The following TRIM56 variants were observed in gnomAD, a reference collection of about 807,000 sequenced individuals.
The protein encoded by TRIM56 is E3 ubiquitin-protein ligase TRIM56.
In TRIM56, 10 loss-of-function variants were observed where a neutral mutation model predicts 17.1. The ratio of observed to expected loss-of-function variants is 0.58; its 90% CI spans 0.36 to 0.99. TRIM56 has a LOEUF of 0.99. Ranked by LOEUF, TRIM56 falls within the 50% of genes least tolerant of loss-of-function variation. The probability of loss-of-function intolerance (pLI) is 0.01; values close to 1 mark genes in which losing one functional copy is unlikely to be tolerated. For missense variants in TRIM56, 923 were observed against 1,052.3 expected (o/e 0.88, Z 1.70); for synonymous variants, 503 against 473.5 (o/e 1.06, Z -0.81).
chr7:101,088,281 C>G lies in TRIM56; in HGVS notation c.969C>G (p.Ser323=). Residue 323 remains serine (S), a synonymous_variant, in exon 3 of 3, where the codon TCC becomes TCG. Transcript: ENST00000306085. ...LSLGREAEIL[S]LEGAIAQRLR... ...TGGGGCGAGAGGCCGAGATCCTCTC[C>G]CTGGAAGGGGCGATCGCACAGCGGC... The G allele has an allele frequency of 6.6e-7, 1 of 1,519,564 alleles. No homozygotes were observed. The allele number at this position is 1,519,564 out of a possible 1,614,324, so 94.1% of individuals were successfully genotyped here.
In TRIM56 at chr7:101,088,832, C is replaced by T; in HGVS notation, c.1520C>T (p.Ser507Phe). The change falls in exon 3 of 3, where the codon TCC becomes TTC. Residue 507 changes from serine to phenylalanine, a missense_variant. Transcript: ENST00000306085. The part of the protein sequence containing the change: ...FPTRMPGDKR[S>F]PRITGLCPFG... ...ACGCGGATGCCTGGAGACAAGCGGT[C>T]CCCCCGGATCACCGGGCTCTGTCCC... The T allele has an allele frequency of 1.9e-6, 3 of 1,613,658 alleles. No individual in the cohort carries two copies. The highest frequency in any genetic ancestry group is 1.1e-5 in the South Asian group (1 of 91,080).
rs570756395 is a variant in TRIM56 at position 101,092,074 on chromosome 7, T to C, written c.*2494T>C. Reference sequence around the variant, plus strand: ...GGAGGTGCCGGGATTGCAGACGGAGTCTCGTTCACTCGGTGCTCAATGTTG... The same window carrying C: ...GGAGGTGCCGGGATTGCAGACGGAGCCTCGTTCACTCGGTGCTCAATGTTG... On this transcript the variant is annotated 3_prime_UTR_variant, in exon 3 of 3. Transcript: ENST00000306085. 2 of 299,556 alleles carry C rather than the reference T, an allele frequency of 6.7e-6. No homozygotes were observed. The highest frequency in any genetic ancestry group is 1.3e-5 in the Non-Finnish European group (2 of 157,054). The allele number at this position is 299,556 out of a possible 1,614,324, so 18.6% of individuals were successfully genotyped here.
Position 101,095,177 on chromosome 7 carries a change from T to G in TRIM56, c.*5597T>G, listed in dbSNP as rs1795636983. The G allele has an allele frequency of 6.6e-6, 1 of 152,116 alleles. No individual in the cohort carries two copies. The highest frequency in any genetic ancestry group is 6.6e-5 in the Admixed American group (1 of 15,226). 9.4% of individuals were successfully genotyped at this position (152,116 alleles called of 1,614,324 possible). A position where few individuals can be genotyped will look rare whatever the true frequency, so the allele number is the denominator to read the frequency against. On this transcript the variant is annotated 3_prime_UTR_variant, in exon 3 of 3. Transcript: ENST00000306085. Reference sequence around the variant, plus strand: ...TGTCTTGAGGCCAGGAGTTCAAGACTAGGCTGGGCAACATAGCAAGACCCC... The same window carrying G: ...TGTCTTGAGGCCAGGAGTTCAAGACGAGGCTGGGCAACATAGCAAGACCCC...
Position 101,088,237 on chromosome 7 carries a change from G to T in TRIM56, c.925G>T (p.Ala309Ser). ...EQVARAAAAF[A>S]RRVLSLGREA... The stretch of plus-strand genomic sequence containing the variant: ...GGTGGCCAGGGCCGCAGCCGCCTTC[G>T]CCCGCCGGGTACTCAGCCTGGGGCG... Residue 309 changes from alanine to serine, a missense_variant, in exon 3 of 3, where the codon GCC (alanine) becomes TCC (serine). This residue lies in a region of TRIM56 where 643 missense variants were observed against 665.6 expected (regional missense o/e 0.97). Coordinates refer to ENST00000306085, the MANE Select transcript of TRIM56 (RefSeq NM_030961.3). 5.5e-6 allele frequency: 8 copies of T among 1,464,174 alleles called. No homozygotes were observed. The highest frequency in any genetic ancestry group is 7.2e-6 in the Non-Finnish European group (8 of 1,114,024). The allele number at this position is 1,464,174 out of a possible 1,614,324, so 90.7% of individuals were successfully genotyped here. A position where few individuals can be genotyped will look rare whatever the true frequency, so the allele number is the denominator to read the frequency against.
In TRIM56 at chr7:101,093,870, T is replaced by G. The variant is rs949538093; in HGVS notation, c.*4290T>G. On this transcript the variant is annotated 3_prime_UTR_variant, in exon 3 of 3. Coordinates refer to ENST00000306085, the MANE Select transcript of TRIM56 (RefSeq NM_030961.3). ...AAATAATTAAATCCACTTGCAGTGG[T>G]CAAAAATAAATGTTAAATAAATGGG... is the stretch of plus-strand genomic sequence containing the variant. The G allele has an allele frequency of 6.6e-6, 1 of 152,056 alleles. No individual in the cohort carries two copies. The highest frequency in any genetic ancestry group is 1.5e-5 in the Non-Finnish European group (1 of 68,010). 9.4% of individuals were successfully genotyped at this position (152,056 alleles called of 1,614,324 possible).
In TRIM56 at chr7:101,095,786, G is replaced by A. The variant is rs1244275495; in HGVS notation, c.*6206G>A. The A allele has an allele frequency of 6.6e-6, 1 of 152,252 alleles. No individual in the cohort carries two copies. Among genetic ancestry groups the A allele is most frequent in the Non-Finnish European group, 1.5e-5 (1 of 68,076 alleles). 9.4% of individuals were successfully genotyped at this position (152,252 alleles called of 1,614,324 possible). On this transcript the variant is annotated 3_prime_UTR_variant, in exon 3 of 3. Coordinates refer to ENST00000306085, the MANE Select transcript of TRIM56 (RefSeq NM_030961.3). ...CACTGGAAAATGAGAAGCATGGATG[G>A]GAAGTGTTGCATTGAGCATAATTTG...
rs1297409787 is a variant in TRIM56 at position 101,087,999 on chromosome 7, G to A, written c.687G>A (p.Glu229=). ...LLAGVDNNLV[E]LEAARRVEKE... Reference sequence around the variant, plus strand: ...CCGGTGTGGACAATAACCTGGTGGAGCTGGAGGCAGCGCGGAGGGTGGAGA... The same window carrying A: ...CCGGTGTGGACAATAACCTGGTGGAACTGGAGGCAGCGCGGAGGGTGGAGA... The change falls in exon 3 of 3, where the codon GAG becomes GAA. Residue 229 remains glutamate, a synonymous_variant. Transcript: ENST00000306085. The A allele has an allele frequency of 6.3e-7, 1 of 1,584,634 alleles. No individual in the cohort carries two copies. Among genetic ancestry groups the A allele is most frequent in the African/African-American group, 1.3e-5 (1 of 74,836 alleles).
Position 101,094,369 on chromosome 7 carries a change from TTTTG to T in TRIM56, c.*4797_*4800del, listed in dbSNP as rs1228799958. ...AGATTGGGGTTTTTTTTGTTTTGTTTTTTGTTTGTTTTTCATTATTTTGTGCTAT... is the reference window on the plus strand; with the variant it reads ...AGATTGGGGTTTTTTTTGTTTTGTTTTTTGTTTTTCATTATTTTGTGCTAT... On this transcript the variant is annotated 3_prime_UTR_variant, in exon 3 of 3. Transcript: ENST00000306085. The T allele has an allele frequency of 2.0e-5, 3 of 152,184 alleles. No individual in the cohort carries two copies. Among genetic ancestry groups the T allele is most frequent in the Non-Finnish European group, 2.9e-5 (2 of 68,026 alleles). The allele number at this position is 152,184 out of a possible 1,614,324, so 9.4% of individuals were successfully genotyped here. A position where few individuals can be genotyped will look rare whatever the true frequency, so the allele number is the denominator to read the frequency against.
chr7:101,089,098 G>C lies in TRIM56; in HGVS notation c.1786G>C (p.Ala596Pro), dbSNP rs914960916. 2.5e-6 allele frequency: 4 copies of C among 1,599,536 alleles called. No homozygotes were observed. The highest frequency in any genetic ancestry group is 3.4e-6 in the Non-Finnish European group (4 of 1,174,900). ...SLSQASHAVA[A>P]LPSGDRVAVS... ...CTCCCAGGCCAGCCACGCGGTGGCG[G>C]CACTGCCTAGCGGGGACCGCGTGGC... Residue 596 changes from alanine to proline, a missense_variant, in exon 3 of 3, where the codon GCA becomes CCA. By Grantham distance (27) the Ala-to-Pro change is conservative. This residue lies in a region of TRIM56 where 182 missense variants were observed against 243.1 expected (regional missense o/e 0.75). Coordinates refer to ENST00000306085, the MANE Select transcript of TRIM56 (RefSeq NM_030961.3).
rs897456177 is a variant in TRIM56, at chr7:101,088,144, C to T, written c.832C>T (p.Arg278Ter). 4.7e-6 allele frequency: 7 copies of T among 1,498,814 alleles called. No homozygotes were observed. The highest frequency in any genetic ancestry group is 2.8e-5 in the African/African-American group (2 of 72,110). The allele number at this position is 1,498,814 out of a possible 1,614,324, so 92.8% of individuals were successfully genotyped here. The change falls in exon 3 of 3, where the codon CGA (arginine) becomes TGA (stop). Residue 278 changes from arginine to a stop codon, truncating the protein, a stop_gained. Coordinates refer to ENST00000306085, the MANE Select transcript of TRIM56 (RefSeq NM_030961.3). LOFTEE classifies it low-confidence loss of function (END_TRUNC). ...GAAGCAGGAGGTGCTGGGGCAGCTA[C>T]GAGCCCACGTGGAGGCTGCCGAAGA... is the stretch of plus-strand genomic sequence containing the variant. ...AQKQEVLGQL[R>*]AHVEAAEEAA...
Position 101,089,265 on chromosome 7 carries a change from G to A in TRIM56, c.1953G>A (p.Ser651=), listed in dbSNP as rs779628946. 8.1e-6 allele frequency: 13 copies of A among 1,611,334 alleles called. No individual in the cohort carries two copies. Among genetic ancestry groups the A allele is most frequent in the South Asian group, 2.2e-5 (2 of 90,844 alleles). Residue 651 remains serine (S), a synonymous_variant, in exon 3 of 3, where the codon TCG becomes TCA. Transcript: ENST00000306085. The part of the protein sequence containing the change: ...TTSPQGHFVG[S]DWQQNSVVIC... ...GCCCCCAGGGGCATTTCGTGGGGTCGGACTGGCAGCAGAATAGTGTGGTAA... is the reference window on the plus strand; with the variant it reads ...GCCCCCAGGGGCATTTCGTGGGGTCAGACTGGCAGCAGAATAGTGTGGTAA...
Position 101,092,101 on chromosome 7 carries a change from C to T in TRIM56, c.*2521C>T. On this transcript the variant is annotated 3_prime_UTR_variant, in exon 3 of 3. Transcript: ENST00000306085. ...TCGTTCACTCGGTGCTCAATGTTGC[C>T]CAGGCTGGAGTGCAGTGTCGTGATC... 1 of 289,042 alleles carries T rather than the reference C, an allele frequency of 3.5e-6. No individual in the cohort carries two copies. The highest frequency in any genetic ancestry group is 2.8e-5 in the South Asian group (1 of 35,328). 17.9% of individuals were successfully genotyped at this position (289,042 alleles called of 1,614,324 possible). A position where few individuals can be genotyped will look rare whatever the true frequency, so the allele number is the denominator to read the frequency against.
rs748687180 is a variant in TRIM56 at position 101,087,832 on chromosome 7, G to C, written c.520G>C (p.Gly174Arg). 1 of 1,603,806 alleles carries C rather than the reference G, an allele frequency of 6.2e-7. No homozygotes were observed. Among genetic ancestry groups the C allele is most frequent in the East Asian group, 2.2e-5 (1 of 44,654 alleles). Residue 174 changes from glycine to arginine, a missense_variant, in exon 3 of 3, where the codon GGG (glycine) becomes CGG (arginine). Transcript: ENST00000306085. ...RQAAQCPQHP[G>R]EALRFLCQPC... ...AGCGGCCCAGTGTCCCCAGCACCCC[G>C]GGGAGGCACTGCGCTTCCTGTGCCA...
Position 101,093,340 on chromosome 7 carries a change from TAAAAAAAAAA to T in TRIM56, c.*3770_*3779del, listed in dbSNP as rs576426651. 1 of 90,882 alleles carries T rather than the reference TAAAAAAAAAA, an allele frequency of 1.1e-5. No homozygotes were observed. The highest frequency in any genetic ancestry group is 2.6e-5 in the Non-Finnish European group (1 of 39,148). The allele number at this position is 90,882 out of a possible 1,614,324, so 5.6% of individuals were successfully genotyped here. A position where few individuals can be genotyped will look rare whatever the true frequency, so the allele number is the denominator to read the frequency against. The stretch of plus-strand genomic sequence containing the variant: ...CACCCAAGAATGATCAATAAAAAAT[TAAAAAAAAAA>T]AAAAAAAAAGAAAACCAAGAAGATG... On this transcript the variant is annotated 3_prime_UTR_variant, in exon 3 of 3. Coordinates refer to ENST00000306085, the MANE Select transcript of TRIM56 (RefSeq NM_030961.3).
rs1795522479 is a variant in TRIM56 at position 101,089,259 on chromosome 7, G to T, written c.1947G>T (p.Val649=). 1 of 1,611,964 alleles carries T rather than the reference G, an allele frequency of 6.2e-7. No individual in the cohort carries two copies. The highest frequency in any genetic ancestry group is 2.2e-5 in the East Asian group (1 of 44,806). ...CCACCAGCCCCCAGGGGCATTTCGT[G>T]GGGTCGGACTGGCAGCAGAATAGTG... ...FLTTSPQGHF[V]GSDWQQNSVV... is the part of the protein sequence containing the mutation. Residue 649 remains valine, a synonymous_variant, in exon 3 of 3, where the codon GTG becomes GTT. Coordinates refer to ENST00000306085, the MANE Select transcript of TRIM56 (RefSeq NM_030961.3).
In TRIM56 at chr7:101,095,542, A is replaced by G. The variant is rs1288551158; in HGVS notation, c.*5962A>G. The G allele has an allele frequency of 1.3e-5, 2 of 152,160 alleles. No homozygotes were observed. The highest frequency in any genetic ancestry group is 4.8e-5 in the African/African-American group (2 of 41,406). The allele number at this position is 152,160 out of a possible 1,614,324, so 9.4% of individuals were successfully genotyped here. A position where few individuals can be genotyped will look rare whatever the true frequency, so the allele number is the denominator to read the frequency against. ...ATGGGCAGTGGTCCTGGCTGGTGAAATGATTCTAGCCACGTGGCCCACCCA... is the reference window on the plus strand; with the variant it reads ...ATGGGCAGTGGTCCTGGCTGGTGAAGTGATTCTAGCCACGTGGCCCACCCA... On this transcript the variant is annotated 3_prime_UTR_variant, in exon 3 of 3. Transcript: ENST00000306085.
At position 101,091,954 on chromosome 7, in the gene TRIM56, G is replaced by C. The variant is rs1444813770; in HGVS notation, c.*2374G>C. On this transcript the variant is annotated 3_prime_UTR_variant, in exon 3 of 3. Transcript: ENST00000306085. ...AGGCGCGCGCCGCCACGCCTGACTG[G>C]TTTTCGTATTTTTTTGGTGGAGACG... The C allele has an allele frequency of 6.7e-6, 2 of 297,888 alleles. No individual in the cohort carries two copies. Among genetic ancestry groups the C allele is most frequent in the Non-Finnish European group, 1.3e-5 (2 of 150,342 alleles). The allele number at this position is 297,888 out of a possible 1,614,324, so 18.5% of individuals were successfully genotyped here.
chr7:101,093,880 A>G lies in TRIM56; in HGVS notation c.*4300A>G, dbSNP rs1046476717. The G allele has an allele frequency of 1.3e-5, 2 of 152,216 alleles. No individual in the cohort carries two copies. Among genetic ancestry groups the G allele is most frequent in the Non-Finnish European group, 2.9e-5 (2 of 68,038 alleles). The allele number at this position is 152,216 out of a possible 1,614,324, so 9.4% of individuals were successfully genotyped here. Reference sequence around the variant, plus strand: ...ATCCACTTGCAGTGGTCAAAAATAAATGTTAAATAAATGGGTGAGAAATCT... The same window carrying G: ...ATCCACTTGCAGTGGTCAAAAATAAGTGTTAAATAAATGGGTGAGAAATCT... On this transcript the variant is annotated 3_prime_UTR_variant, in exon 3 of 3. Coordinates refer to ENST00000306085, the MANE Select transcript of TRIM56 (RefSeq NM_030961.3).
At position 101,088,297 on chromosome 7, in the gene TRIM56, G is replaced by A. The variant is rs765519223; in HGVS notation, c.985G>A (p.Ala329Thr). 16 of 1,524,034 alleles carry A rather than the reference G, an allele frequency of 1.0e-5. No individual in the cohort carries two copies. The highest frequency in any genetic ancestry group is 2.5e-5 in the South Asian group (2 of 78,580). 94.4% of individuals were successfully genotyped at this position (1,524,034 alleles called of 1,614,324 possible). A position where few individuals can be genotyped will look rare whatever the true frequency, so the allele number is the denominator to read the frequency against. Residue 329 changes from alanine (A) to threonine (T), a missense_variant, in exon 3 of 3, where the codon GCA (alanine) becomes ACA (threonine). Transcript: ENST00000306085. ...AEILSLEGAI[A>T]QRLRQLQGCP... The stretch of plus-strand genomic sequence containing the variant: ...GATCCTCTCCCTGGAAGGGGCGATC[G>A]CACAGCGGCTCAGGCAGCTGCAGGG...
Sources: allele counts gnomAD v4.1 joint callset, GRCh38; gene constraint gnomAD v4.1.1; regional missense constraint gnomAD v4.1.1; transcripts MANE v1.5; gene names NCBI Gene and HGNC (gene_info 2026-07-23, HGNC 2026-07-21).